CELF3: variants seen among roughly 807,000 people sequenced by gnomAD.
The protein encoded by CELF3 is CUGBP Elav-like family member 3, also known as CAG repeat domain.
Under a neutral mutation model 59.6 loss-of-function variants are expected in CELF3, and 26 were observed. The ratio of observed to expected loss-of-function variants is 0.44; its 90% CI spans 0.32 to 0.61. The LOEUF is 0.61. CELF3 is among the 20% of genes least tolerant of loss of function. The pLI is 0.06. For missense variants in CELF3, 387 were observed against 627.2 expected (o/e 0.62, Z 4.09); for synonymous variants, 245 against 250.7 (o/e 0.98, Z 0.22).
Position 151,714,611 on chromosome 1 carries a change from G to C in CELF3, c.211C>G (p.Gln71Glu), listed in dbSNP as rs1435739189. The change falls in exon 2 of 13, where the codon CAG becomes GAG. Residue 71 changes from glutamine to glutamate, a missense_variant. Gln to Glu is a conservative substitution (Grantham distance 29). Around this residue, in one of 3 missense-constraint regions of CELF3, gnomAD observed 208 missense variants for 354.8 expected, o/e 0.59. Coordinates refer to ENST00000290583, the MANE Select transcript of CELF3 (RefSeq NM_007185.7). ...GGACTCACCCCTGGAAGCGTCTTCT[G>C]TTCGTGCAGGGCGCTCTGGGCCTTC... is the stretch of plus-strand genomic sequence containing the variant. The part of the protein sequence containing the change: ...ALKAQSALHE[Q>E]KTLPGMNRPI... The C allele has an allele frequency of 6.4e-7, 1 of 1,557,362 alleles. No homozygotes were observed. The highest frequency in any genetic ancestry group is 1.4e-5 in the African/African-American group (1 of 73,336).
At position 151,709,303 on chromosome 1, in the gene CELF3, T is replaced by A; in HGVS notation, c.323A>T (p.Asp108Val). 6.2e-7 allele frequency: 1 copy of A among 1,614,058 alleles called. No homozygotes were observed. The highest frequency in any genetic ancestry group is 8.5e-7 in the Non-Finnish European group (1 of 1,179,958). Residue 108 changes from aspartate to valine, a missense_variant, in exon 4 of 13, where the codon GAT becomes GTT. Physicochemically the swap from Asp to Val is radical, Grantham distance 152. Transcript: ENST00000290583. The surrounding 1 kb of genome is among the most constrained non-coding windows in gnomAD (Gnocchi z 4.9). ...FVGMLGKQQTDEDVRKMFEPF... is the reference protein window; with the variant it reads ...FVGMLGKQQTVEDVRKMFEPF... ...CTCAAACATCTTCCGGACGTCCTCA[T>A]CTGTCTGCTGCTTCCCTAGCATCCC...
intron 2 of CELF3, chr1:151,710,734 C>T (rs896585111): frequency 2.0e-5 from 9 of 456,370 alleles, no homozygotes; most frequent in African/African-American, 8.0e-5. Context: ...AACCTCTCCC[C>T]GACCCCTGCA....
chr1:151,713,206 A>G (rs1250106548), intron 2 of CELF3, among the ~76,000 whole-genome samples: 2 of 152,132 alleles, frequency 1.3e-5, no homozygotes, highest in Admixed American at 1.3e-4. Flanking sequence ...AGGGCTAGAC[A>G]ATCATTAACC....
Position 151,706,451 on chromosome 1 carries a change from C to G in CELF3, c.989-90G>C, listed in dbSNP as rs1672548482. 5 of 1,356,606 alleles carry G rather than the reference C, an allele frequency of 3.7e-6. No homozygotes were observed. In the Admixed American group the frequency reaches 8.7e-5, roughly 24 times the overall value. 84.0% of individuals were successfully genotyped at this position (1,356,606 alleles called of 1,614,324 possible). ...CCTGTCTCCCTTCCCCTAGCCCAGG[C>G]CAGTGGCACCTGCAGGGCTGAGAGG... On this transcript the variant is annotated intron_variant, in intron 9 of 12. Coordinates refer to ENST00000290583, the MANE Select transcript of CELF3 (RefSeq NM_007185.7).
intron 6 of CELF3, 51 bp from the exon 7 acceptor site, chr1:151,707,699 G>C: frequency 6.3e-7 from 1 of 1,598,520 alleles, no homozygotes; most frequent in East Asian, 2.2e-5. Flanking sequence ...CCCAAGCCTG[G>C]CTCCCTCCCA....
rs749660846 is a variant in CELF3, at chr1:151,709,715, G to A, written c.277+28C>T. ...CCTGGGCCTGGGGGTGGGAGGAGAG[G>A]GACAGAGTCCAAAGGCACAGAACCT... On this transcript the variant is annotated intron_variant, in intron 3 of 12. Coordinates refer to ENST00000290583, the MANE Select transcript of CELF3 (RefSeq NM_007185.7). The surrounding 1 kb of genome is among the most constrained non-coding windows in gnomAD (Gnocchi z 4.9). The A allele has an allele frequency of 6.2e-7, 1 of 1,611,854 alleles. No homozygotes were observed. The highest frequency in any genetic ancestry group is 8.5e-7 in the Non-Finnish European group (1 of 1,177,918).
chr1:151,710,403 C>A, intron 2 of CELF3: 9 of 295,428 alleles, frequency 3.0e-5, no homozygotes, highest in South Asian at 2.7e-4. Flanking sequence ...ATTTATCCGT[C>A]CCCGTCGCCC....
intron 9 of CELF3, 21 bp downstream of exon 9, chr1:151,706,648 G>C (rs1672569808): frequency 6.4e-7 from 1 of 1,550,784 alleles, no homozygotes; most frequent in South Asian, 1.2e-5. Flanking sequence ...CTGAGCAGGG[G>C]CCCTGGCTAG....
chr1:151,715,571 T>C, intron 1 of CELF3: 1 of 1,363,142 alleles, frequency 7.3e-7, no homozygotes, highest in Non-Finnish European at 9.7e-7. Context: ...AAACCAGCTC[T>C]CTTGTCCCTC....
rs751585929 is a variant in CELF3 at position 151,706,333 on chromosome 1, A to G, written c.1017T>C (p.Val339=). The part of the protein sequence containing the change: ...TAAYPAAYSL[V]APAFPQPPAL... ...CTGGAGGCTGCGGGAACGCAGGTGC[A>G]ACCAGGCTGTAGGCTGCTGGGTAGG... is the stretch of plus-strand genomic sequence containing the variant. Residue 339 remains valine (V), a synonymous_variant, in exon 10 of 13, where the codon GTT becomes GTC. Transcript: ENST00000290583. 45 of 1,551,862 alleles carry G rather than the reference A, an allele frequency of 2.9e-5. No individual in the cohort carries two copies. The highest frequency in any genetic ancestry group is 3.7e-5 in the Non-Finnish European group (42 of 1,147,680).
In CELF3 at chr1:151,701,944, T is replaced by C. The variant is rs888984249; in HGVS notation, c.*1515A>G. ...TTTCAAAGTAAATAAGTAAAATAAATAAACTATAGCCTGCCTCACAAGGTT... is the reference window on the plus strand; with the variant it reads ...TTTCAAAGTAAATAAGTAAAATAAACAAACTATAGCCTGCCTCACAAGGTT... On this transcript the variant is annotated 3_prime_UTR_variant, in exon 13 of 13. Coordinates refer to ENST00000290583, the MANE Select transcript of CELF3 (RefSeq NM_007185.7). Among the ~76,000 whole-genome samples the C allele has an allele frequency of 6.6e-6, 1 of 152,060 alleles. No homozygotes were observed.
chr1:151,706,278 G>A lies in CELF3; in HGVS notation c.1072C>T (p.Pro358Ser), dbSNP rs775670026. Residue 358 changes from proline (P) to serine (S), a missense_variant, in exon 10 of 13, where the codon CCT becomes TCT. Coordinates refer to ENST00000290583, the MANE Select transcript of CELF3 (RefSeq NM_007185.7). ...TGCTGCTGCTGCTGCTGCTGTTGAG[G>A]TGGTGGTGGGGGCTGCTGGGCGACC... is the stretch of plus-strand genomic sequence containing the variant. ...ALVAQQPPPP[P>S]QQQQQQQQQQ... is the part of the protein sequence containing the mutation. 38 of 1,578,694 alleles carry A rather than the reference G, an allele frequency of 2.4e-5. 1 individual carries two copies. The South Asian group carries it at 3.0e-4, about 12-fold the overall frequency.
chr1:151,714,014 C>T (rs908031454), intron 2 of CELF3, among the ~76,000 whole-genome samples: 4 of 152,224 alleles, frequency 2.6e-5, no homozygotes, highest in Non-Finnish European at 4.4e-5. Flanking sequence ...ACTTCCAGGC[C>T]TACCTCCAGC....
Position 151,700,945 on chromosome 1 carries a change from AC to A in CELF3, c.*2513del. Reference sequence around the variant, plus strand: ...CTAAGCAATGTCTAATATTTGGGGCACTGTTTAGGGTGACCAGGATACAGTG... The same window carrying A: ...CTAAGCAATGTCTAATATTTGGGGCATGTTTAGGGTGACCAGGATACAGTG... On this transcript the variant is annotated 3_prime_UTR_variant, in exon 13 of 13. Transcript: ENST00000290583. 6.6e-6 allele frequency: 1 copy of A among 152,312 alleles called. No individual in the cohort carries two copies. Among genetic ancestry groups the A allele is most frequent in the African/African-American group, 2.4e-5 (1 of 41,570 alleles). The allele number at this position is 152,312 out of a possible 1,614,324, so 9.4% of individuals were successfully genotyped here.
In CELF3 at chr1:151,706,748, C is replaced by T. The variant is rs1334306851; in HGVS notation, c.923-14G>A. The T allele has an allele frequency of 1.3e-6, 2 of 1,542,778 alleles. No homozygotes were observed. Among genetic ancestry groups the T allele is most frequent in the Non-Finnish European group, 1.8e-6 (2 of 1,141,666 alleles). On this transcript the variant is annotated splice_polypyrimidine_tract_variant and intron_variant, in intron 8 of 12. Coordinates refer to ENST00000290583, the MANE Select transcript of CELF3 (RefSeq NM_007185.7). ...CGGGGCTCTGGGCTGGGGAGAGCAG[C>T]ACAGACTATGAGCGTGGACCTGGCA... is the stretch of plus-strand genomic sequence containing the variant.
chr1:151,714,397 A>G, intron 2 of CELF3, 197 bp downstream of exon 2: 1 of 645,670 alleles, frequency 1.5e-6, no homozygotes, highest in Admixed American at 2.4e-5. Flanking sequence ...TACGCCACTA[A>G]TCGCTGCTTT....
In CELF3 at chr1:151,705,081, A is replaced by G. The variant is rs1194133034; in HGVS notation, c.1358T>C (p.Val453Ala). ...GGCATCCTTAGGCCGCTTTAGCTGG[A>G]CTTTGAGGCGCTTCATGCCGATCTG... The part of the protein sequence containing the change: ...GFQIGMKRLK[V>A]QLKRPKDANR... Residue 453 changes from valine (V) to alanine (A), a missense_variant, in exon 12 of 13, where the codon GTC becomes GCC. By Grantham distance (64) the Val-to-Ala change is moderately conservative. Around this residue, in one of 3 missense-constraint regions of CELF3, gnomAD observed 48 missense variants for 118.8 expected, o/e 0.40. Transcript: ENST00000290583. The surrounding 1 kb of genome is among the most constrained non-coding windows in gnomAD (Gnocchi z 5.1). 3.1e-6 allele frequency: 5 copies of G among 1,613,704 alleles called. No homozygotes were observed. The highest frequency in any genetic ancestry group is 8.5e-7 in the Non-Finnish European group (1 of 1,179,836).
chr1:151,714,450 A>G (rs1201254952), intron 2 of CELF3, 144 bp downstream of exon 2: 18 of 719,944 alleles, frequency 2.5e-5, no homozygotes, highest in Middle Eastern at 2.3e-4. Flanking sequence ...CTACAGCAAG[A>G]AAGATGGATG....
At position 151,709,161 on chromosome 1, in the gene CELF3, T is replaced by G. The variant is rs1672805197; in HGVS notation, c.406+59A>C. On this transcript the variant is annotated intron_variant, in intron 4 of 12. Coordinates refer to ENST00000290583, the MANE Select transcript of CELF3 (RefSeq NM_007185.7). This position sits in a 1 kb window ranked among gnomAD's most constrained non-coding sequence, Gnocchi z 4.9. ...GGTGGAACCCGATGCCTAGGGAGTC[T>G]TGGGGGTGGAACAGGAAGGGGAAGG... 1 of 1,607,328 alleles carries G rather than the reference T, an allele frequency of 6.2e-7. No homozygotes were observed. The highest frequency in any genetic ancestry group is 1.7e-5 in the Admixed American group (1 of 59,886).
Sources: gnomAD v4.1 joint callset for allele counts (sites outside exome capture counted in the v4.1 genomes callset) on GRCh38, gnomAD v4.1.1 for gene constraint, gnomAD v4.1.1 regional missense constraint, Gnocchi (gnomAD v3.1) non-coding constraint, MANE v1.5 for transcripts, NCBI Gene and HGNC (gene_info 2026-07-23, HGNC 2026-07-21) for gene names.